Variants in RBM17 observed in about 807,000 individuals in gnomAD.
RBM17 encodes the protein splicing factor 45.
A neutral mutation model predicts 53.2 loss-of-function variants in RBM17; 7 were observed. The ratio of observed to expected loss-of-function variants is 0.13; its 90% CI spans 0.07 to 0.25. The LOEUF (loss-of-function observed/expected upper bound fraction) is 0.25. Ranked by LOEUF, RBM17 falls within the 10% of genes least tolerant of loss-of-function variation. The pLI, the probability that RBM17 is intolerant of heterozygous loss-of-function variation, is 1.00. For missense variants in RBM17, 257 were observed against 496.7 expected (o/e 0.52, Z 4.59); for synonymous variants, 167 against 178.1 (o/e 0.94, Z 0.50).
chr10:6,106,086 C>G, intron 4 of RBM17, 55 bp from the exon 5 acceptor site: 1 of 1,231,618 alleles, frequency 8.1e-7, no homozygotes, highest in Admixed American at 1.7e-5. Flanking sequence ...ATCCCAGGTT[C>G]AGGTCTCTAA....
chr10:6,099,337 AT>A (rs1266135187), intron 2 of RBM17, among the ~76,000 whole-genome samples: 2 of 152,054 alleles, frequency 1.3e-5, no homozygotes, highest in Non-Finnish European at 2.9e-5. Flanking sequence ...GTTACTCAGA[AT>A]ACTAGATTGG....
chr10:6,099,062 G>A (rs1266570120), intron 2 of RBM17, among the ~76,000 whole-genome samples: 2 of 151,734 alleles, frequency 1.3e-5, no homozygotes, highest in Non-Finnish European at 2.9e-5. Flanking sequence ...AATGTAAGGA[G>A]GGTTAGCAAA....
rs1410024634 is a variant in RBM17, at chr10:6,115,584, C to T, written c.*28C>T. On this transcript the variant is annotated 3_prime_UTR_variant, in exon 12 of 12. Transcript: ENST00000379888. ...TTAAGAACTAGAGCACGAGTCATCT[C>T]CGGTGATCCTTAAATGAACTGCAGG... 1 of 1,361,542 alleles carries T rather than the reference C, an allele frequency of 7.3e-7. No individual in the cohort carries two copies. The highest frequency in any genetic ancestry group is 1.1e-6 in the Non-Finnish European group (1 of 951,616). 84.3% of individuals were successfully genotyped at this position (1,361,542 alleles called of 1,614,324 possible).
rs768947824 is a variant in RBM17, at chr10:6,112,455, G to C, written c.856+94G>C. 48 of 1,464,846 alleles carry C rather than the reference G, an allele frequency of 3.3e-5. No homozygotes were observed. The highest frequency in any genetic ancestry group is 4.3e-5 in the Non-Finnish European group (46 of 1,059,776). The allele number at this position is 1,464,846 out of a possible 1,614,324, so 90.7% of individuals were successfully genotyped here. The stretch of plus-strand genomic sequence containing the variant: ...CTTGATCCTCATGTGTCAGCAGGGG[G>C]ACAATGAGGCGTGTGGCCAGAGGGA... On this transcript the variant is annotated intron_variant, in intron 8 of 11. Coordinates refer to ENST00000379888, the MANE Select transcript of RBM17 (RefSeq NM_032905.5). This position sits in a 1 kb window ranked among gnomAD's most constrained non-coding sequence, Gnocchi z 4.4.
At chr10:6,097,256 A>C (rs1298094678) in intron 2 of RBM17, 68 bp downstream of exon 2, 2 of 1,537,844 alleles carry the variant, frequency 1.3e-6, no homozygotes, top group Non-Finnish European at 1.8e-6. Flanking sequence ...ATGACAAGGA[A>C]TTTGGTTTCA....
Position 6,089,589 on chromosome 10 carries a change from C to G in RBM17, c.-19+396C>G, listed in dbSNP as rs1402085549. 1 of 152,626 alleles carries G rather than the reference C, an allele frequency of 6.6e-6. No homozygotes were observed. The allele number at this position is 152,626 out of a possible 1,614,324, so 9.5% of individuals were successfully genotyped here. ...GTAGCGTGTCCCCCCTGGCCCTGCACGGTTGCCCCTCTCTGGGGCTCGGAG... is the reference window on the plus strand; with the variant it reads ...GTAGCGTGTCCCCCCTGGCCCTGCAGGGTTGCCCCTCTCTGGGGCTCGGAG... On this transcript the variant is annotated intron_variant, in intron 1 of 11. Coordinates refer to ENST00000379888, the MANE Select transcript of RBM17 (RefSeq NM_032905.5). This position sits in a 1 kb window ranked among gnomAD's most constrained non-coding sequence, Gnocchi z 5.6.
chr10:6,110,297 G>A (rs1588350829), intron 7 of RBM17, among the ~76,000 whole-genome samples, 170 bp downstream of exon 7: 2 of 152,158 alleles, frequency 1.3e-5, no homozygotes, highest in South Asian at 4.2e-4. Flanking sequence ...GTAATGATGG[G>A]GCTTGTTCAA....
chr10:6,113,190 C>T (rs1025059610), intron 8 of RBM17: 1 of 222,320 alleles, frequency 4.5e-6, no homozygotes, highest in African/African-American at 2.3e-5. Flanking sequence ...TGCTCCAAGT[C>T]AACTCACCTA....
rs1290267781 is a variant in RBM17, at chr10:6,115,643, T to TG, written c.*89dup. The stretch of plus-strand genomic sequence containing the variant: ...AGAAGGAAAAAGGTCACAGCCTCCA[T>TG]GGCTGTTGCATACCAAGACTCTTGG... On this transcript the variant is annotated 3_prime_UTR_variant, in exon 12 of 12. Transcript: ENST00000379888. 1.2e-6 allele frequency: 1 copy of TG among 804,880 alleles called. No homozygotes were observed. Among genetic ancestry groups the TG allele is most frequent in the African/African-American group, 1.7e-5 (1 of 58,704 alleles). The allele number at this position is 804,880 out of a possible 1,614,324, so 49.9% of individuals were successfully genotyped here.
intron 3 of RBM17, among the ~76,000 whole-genome samples, chr10:6,102,052 A>G (rs1840677169): frequency 6.6e-6 from 1 of 152,260 alleles, no homozygotes; most frequent in Non-Finnish European, 1.5e-5. Context: ...AGTTAAAACT[A>G]GACAAAATGA....
chr10:6,097,826 C>T (rs1454527179), intron 2 of RBM17, among the ~76,000 whole-genome samples: 1 of 152,208 alleles, frequency 6.6e-6, no homozygotes, highest in African/African-American at 2.4e-5. Flanking sequence ...AACTGTAGTT[C>T]AGGCTGGAGC....
intron 1 of RBM17, among the ~76,000 whole-genome samples, chr10:6,092,482 C>G (rs1010065350): frequency 3.3e-5 from 5 of 151,968 alleles, no homozygotes; most frequent in African/African-American, 9.7e-5. Context: ...AGGAGGAAAG[C>G]AAGGAAATAA....
chr10:6,115,141 A>G lies in RBM17; in HGVS notation c.1030-98A>G, dbSNP rs1588353479. On this transcript the variant is annotated intron_variant, in intron 10 of 11. Transcript: ENST00000379888. ...GACAACTACTTGACTGTATATGATGATAATTAGAATATCCACTCTGAGAAA... is the reference window on the plus strand; with the variant it reads ...GACAACTACTTGACTGTATATGATGGTAATTAGAATATCCACTCTGAGAAA... 1.1e-5 allele frequency: 10 copies of G among 911,900 alleles called. No homozygotes were observed. In the East Asian group the frequency reaches 2.6e-4, roughly 24 times the overall value. The allele number at this position is 911,900 out of a possible 1,614,324, so 56.5% of individuals were successfully genotyped here. A position where few individuals can be genotyped will look rare whatever the true frequency, so the allele number is the denominator to read the frequency against.
rs201688490 is a variant in RBM17 at position 6,112,086 on chromosome 10, C to G, written c.705-124C>G. On this transcript the variant is annotated intron_variant, in intron 7 of 11. Transcript: ENST00000379888. The surrounding 1 kb of genome is among the most constrained non-coding windows in gnomAD (Gnocchi z 4.4). ...TAGCCCACTCCTAGTTAATGAGTGA[C>G]TTTGTTGAAGCCCCTGTGGAGCATG... 2.1e-4 allele frequency: 194 copies of G among 903,152 alleles called. 1 individual carries two copies. In the East Asian group the frequency reaches 3.8e-3, roughly 18 times the overall value. The allele number at this position is 903,152 out of a possible 1,614,324, so 55.9% of individuals were successfully genotyped here. A position where few individuals can be genotyped will look rare whatever the true frequency, so the allele number is the denominator to read the frequency against.
At chr10:6,106,061 G>A in intron 4 of RBM17, 80 bp from the exon 5 acceptor site, 1 of 928,436 alleles carries the variant, frequency 1.1e-6, no homozygotes, top group Non-Finnish European at 1.7e-6. Context: ...GATATCTTCT[G>A]GTCAAGAGGA....
At chr10:6,096,391 C>G (rs1477857729) in intron 1 of RBM17, among the ~76,000 whole-genome samples, 1 of 152,132 alleles carries the variant, frequency 6.6e-6, no homozygotes, top group Non-Finnish European at 1.5e-5. Flanking sequence ...GTTTTTGTTT[C>G]CACGTGTTCC....
At chr10:6,097,327 T>A in intron 2 of RBM17, 139 bp downstream of exon 2, 2 of 859,358 alleles carry the variant, frequency 2.3e-6, no homozygotes, top group East Asian at 5.2e-5. Flanking sequence ...GGGAGAGGAA[T>A]GAGGAGTTTA....
At position 6,098,563 on chromosome 10, in the gene RBM17, G is replaced by GTTTTTT. The variant is rs398012715; in HGVS notation, c.123+1400_123+1405dup. Among the ~76,000 whole-genome samples, 267 of 46,606 alleles carry GTTTTTT rather than the reference G, an allele frequency of 5.7e-3. 8 individuals are homozygous for GTTTTTT. Among genetic ancestry groups the GTTTTTT allele is most frequent in the African/African-American group, 6.7e-3 (84 of 12,564 alleles). 30.6% of individuals were successfully genotyped at this position (46,606 alleles called of 152,430 possible). On this transcript the variant is annotated intron_variant, in intron 2 of 11. Coordinates refer to ENST00000379888, the MANE Select transcript of RBM17 (RefSeq NM_032905.5). ...AATTTCCGTAATACACAGGTTTTTT[G>GTTTTTT]TTTTTTTTTTTTTTTTTTTTTTTTT...
chr10:6,101,604 C>A (rs373359355), intron 3 of RBM17, among the ~76,000 whole-genome samples: 2 of 152,154 alleles, frequency 1.3e-5, no homozygotes, highest in East Asian at 3.8e-4. Context: ...ACTAGAGATA[C>A]GCAGAAAGAA....
Sources: allele counts gnomAD v4.1 joint callset (sites outside exome capture counted in the v4.1 genomes callset), GRCh38; gene constraint gnomAD v4.1.1; non-coding constraint Gnocchi (gnomAD v3.1); transcripts MANE v1.5; gene names NCBI Gene and HGNC (gene_info 2026-07-23, HGNC 2026-07-21).